SLC36A1: variants seen among roughly 807,000 people sequenced by gnomAD.
SLC36A1 encodes solute carrier family 36 member 1.
In SLC36A1, 30 loss-of-function variants were observed where a neutral mutation model predicts 47.5. The ratio of observed to expected loss-of-function variants is 0.63; its 90% confidence interval spans 0.47 to 0.86. SLC36A1 has a LOEUF of 0.86. Among genes scored for constraint, SLC36A1 ranks in the 40% least tolerant of loss-of-function variants. The pLI is 0.00. For missense variants in SLC36A1, 517 were observed against 606.0 expected, an observed-to-expected ratio of 0.85 and a Z score of 1.54; for synonymous variants, 255 against 249.7, an observed-to-expected ratio of 1.02 and a Z score of -0.20.
chr5:151,543,722 T>C, the SLC36A1 span: 7 of 1,614,196 alleles, frequency 4.3e-6, no homozygotes, highest in Non-Finnish European at 5.9e-6. Context: ...GTAGTGTTGA[T>C]GTACACAGGC....
At chr5:151,537,830 G>T in the SLC36A1 span, 1 of 1,614,034 alleles carries the variant, frequency 6.2e-7, no homozygotes, top group Non-Finnish European at 8.5e-7. Context: ...GCGCCCCAGG[G>T]CCATGCAGAG....
At chr5:151,468,322 GTA>G (rs2127499510) in intron 7 of SLC36A1, among the ~76,000 whole-genome samples, 1 of 101,394 alleles carries the variant, frequency 9.9e-6, no homozygotes, top group African/African-American at 3.9e-5. Context: ...ACATATATGT[GTA>G]TATGTTATTA....
chr5:151,552,053 A>G, the SLC36A1 span, among the ~76,000 whole-genome samples: 3 of 151,620 alleles, frequency 2.0e-5, no homozygotes, highest in South Asian at 2.1e-4. Context: ...TCAACATTAT[A>G]ACAGTGGATT....
At chr5:151,545,073 T>C in the SLC36A1 span, 1 of 1,614,180 alleles carries the variant, frequency 6.2e-7, no homozygotes, top group Non-Finnish European at 8.5e-7. Context: ...GCAACACACC[T>C]GCTGACTGGA....
chr5:151,517,904 G>T, the SLC36A1 span: 1 of 1,055,628 alleles, frequency 9.5e-7, no homozygotes, highest in Middle Eastern at 2.3e-4. Context: ...TAGGCTGGGT[G>T]TGGGGTGTGC....
chr5:151,435,684 TAA>T (rs1222468960), upstream of SLC36A1, among the ~76,000 whole-genome samples: 2 of 151,724 alleles, frequency 1.3e-5, no homozygotes, highest in African/African-American at 4.8e-5. Context: ...AGAATAGAAA[TAA>T]AGTCTTTAAG....
At chr5:151,430,935 A>T in the SLC36A1 span, among the ~76,000 whole-genome samples, 68 of 152,154 alleles carry the variant, frequency 4.5e-4, no homozygotes, top group Non-Finnish European at 7.4e-4. Flanking sequence ...CACTCCCTGG[A>T]ATTTCACTTC....
At chr5:151,357,539 GT>G in the SLC36A1 span, among the ~76,000 whole-genome samples, 1 of 152,238 alleles carries the variant, frequency 6.6e-6, no homozygotes, top group Non-Finnish European at 1.5e-5. Flanking sequence ...TAAAGCAGGG[GT>G]TAGTAAACTA....
the SLC36A1 span, among the ~76,000 whole-genome samples, chr5:151,368,857 C>A: frequency 4.3e-3 from 650 of 152,296 alleles, 2 homozygotes; most frequent in Middle Eastern, 6.8e-3. Context: ...AAAGGCAGAA[C>A]CCAGAGCTGC....
chr5:151,512,823 G>A, the SLC36A1 span: 1 of 575,766 alleles, frequency 1.7e-6, no homozygotes, highest in Non-Finnish European at 3.1e-6. The surrounding 1 kb of genome is among the most constrained non-coding windows in gnomAD (Gnocchi z 4.1). Context: ...GATGGTCTGG[G>A]TAGGGGGTGA....
the SLC36A1 span, among the ~76,000 whole-genome samples, chr5:151,399,084 A>ATATATATTTTTTTTTTTTTTTTT: frequency 1.7e-5 from 1 of 60,068 alleles, no homozygotes; most frequent in African/African-American, 5.6e-5. Flanking sequence ...ATATATATAT[A>ATATATATTTTTTTTTTTTTTTTT]TTTTTTTTTT....
At chr5:151,539,981 A>G in the SLC36A1 span, among the ~76,000 whole-genome samples, 1 of 152,306 alleles carries the variant, frequency 6.6e-6, no homozygotes, top group Admixed American at 6.5e-5. Context: ...AGGTGCATAT[A>G]TGGGCATGGG....
chr5:151,365,951 G>C, the SLC36A1 span, among the ~76,000 whole-genome samples: 3 of 152,118 alleles, frequency 2.0e-5, no homozygotes, highest in African/African-American at 7.2e-5. Flanking sequence ...CAAGACATTG[G>C]GACAAGAGGT....
chr5:151,424,729 A>G, the SLC36A1 span, among the ~76,000 whole-genome samples: 1 of 148,434 alleles, frequency 6.7e-6, no homozygotes, highest in African/African-American at 2.4e-5. Context: ...CGAGTATTCT[A>G]AAGTTTACAA....
chr5:151,452,967 C>T (rs912250319), intron 1 of SLC36A1, among the ~76,000 whole-genome samples: 2 of 150,894 alleles, frequency 1.3e-5, no homozygotes, highest in African/African-American at 2.4e-5. Context: ...TTTGGGAGGC[C>T]AAGGTGGGTG....
chr5:151,402,163 C>T, the SLC36A1 span, among the ~76,000 whole-genome samples: 1,235 of 152,252 alleles, frequency 8.1e-3, 21 homozygotes, highest in African/African-American at 0.028. Flanking sequence ...CATATTCCTC[C>T]GATGCCTAGT....
the SLC36A1 span, chr5:151,537,695 G>T: frequency 8.1e-7 from 1 of 1,228,814 alleles, no homozygotes; most frequent in Non-Finnish European, 1.1e-6. Flanking sequence ...ATAGATGAGT[G>T]AATTCCTGTT....
the SLC36A1 span, among the ~76,000 whole-genome samples, chr5:151,533,396 ACACACACACAC>A: frequency 4.3e-5 from 3 of 70,202 alleles, no homozygotes; most frequent in East Asian, 2.5e-4. Context: ...TATCTCCAAC[ACACACACACAC>A]ACACACACAC....
the SLC36A1 span, chr5:151,507,634 G>C: frequency 6.4e-7 from 1 of 1,569,656 alleles, no homozygotes; most frequent in Non-Finnish European, 8.6e-7. Flanking sequence ...AGTAGTCAGG[G>C]GGCCAAGTCA....
Sources: gnomAD v4.1 joint callset for allele counts (sites outside exome capture counted in the v4.1 genomes callset) on GRCh38, gnomAD v4.1.1 for gene constraint, Gnocchi (gnomAD v3.1) non-coding constraint, MANE v1.5 for transcripts, NCBI Gene and HGNC (gene_info 2026-07-23, HGNC 2026-07-21) for gene names.